Variants in SDK1 observed in about 807,000 individuals in gnomAD.
The protein encoded by SDK1 is protein sidekick-1.
A neutral mutation model predicts 245.5 loss-of-function variants in SDK1; 157 were observed. The ratio of observed to expected loss-of-function variants is 0.64; its 90% confidence interval spans 0.56 to 0.73. The LOEUF is 0.73. SDK1 is among the 30% of genes least tolerant of loss of function. The pLI, the probability that SDK1 is intolerant of heterozygous loss-of-function variation, is 0.00. For missense variants in SDK1, 3,583 were observed against 3,002.3 expected (o/e 1.19, Z -4.52); for synonymous variants, 1,647 against 1,278.5 (o/e 1.29, Z -6.15).
chr7:3,897,165 A>G (rs762693161), intron 5 of SDK1, among the ~76,000 whole-genome samples: 3 of 152,220 alleles, frequency 2.0e-5, no homozygotes, highest in Admixed American at 6.5e-5. Context: ...TTGAGATGAC[A>G]TTTGGGAGGG....
rs577047276 is a variant in SDK1 at position 4,205,493 on chromosome 7, A to C, written c.5099-386A>C. Among the ~76,000 whole-genome samples, 45 of 152,308 alleles carry C rather than the reference A, an allele frequency of 3.0e-4. 1 individual carries two copies. In the South Asian group the frequency reaches 9.1e-3, roughly 31 times the overall value. On this transcript the variant is annotated intron_variant, in intron 35 of 44. Coordinates refer to ENST00000404826, the MANE Select transcript of SDK1 (RefSeq NM_152744.4). ...ACAGCAACCATCAGACCAGCCCCTA[A>C]GCCTGGTCAGGTATTAACCAAGAAG...
At chr7:3,597,271 CAAA>C (rs59830553) in intron 1 of SDK1, among the ~76,000 whole-genome samples, 77 of 89,418 alleles carry the variant, frequency 8.6e-4, no homozygotes, top group Middle Eastern at 6.8e-3. Context: ...GACTTGGTCT[CAAA>C]AAAAAAAAAA....
At chr7:3,936,713 C>G (rs930235284) in intron 5 of SDK1, among the ~76,000 whole-genome samples, 1 of 152,134 alleles carries the variant, frequency 6.6e-6, no homozygotes, top group Non-Finnish European at 1.5e-5. Context: ...GTATTTAACC[C>G]CAATGGGGGG....
At chr7:3,673,273 T>C (rs564309158) in intron 4 of SDK1, among the ~76,000 whole-genome samples, 11 of 152,282 alleles carry the variant, frequency 7.2e-5, no homozygotes, top group African/African-American at 2.2e-4. Context: ...ACAAATCCCA[T>C]GGGGGCGGTT....
intron 5 of SDK1, among the ~76,000 whole-genome samples, chr7:3,941,609 A>T (rs1254516443): frequency 6.6e-6 from 1 of 151,854 alleles, no homozygotes; most frequent in Non-Finnish European, 1.5e-5. Context: ...AACCTTTCCC[A>T]ATTTCTCCTG....
intron 1 of SDK1, among the ~76,000 whole-genome samples, chr7:3,590,171 C>G (rs532197395): frequency 6.6e-6 from 1 of 152,152 alleles, no homozygotes. Context: ...GCTGTGCTCC[C>G]AAACCTTTGG....
chr7:3,753,481 T>A (rs1222153143), intron 4 of SDK1, among the ~76,000 whole-genome samples: 1 of 152,154 alleles, frequency 6.6e-6, no homozygotes, highest in East Asian at 1.9e-4. Context: ...TGCAAGGCAG[T>A]AGCCCATTGC....
intron 14 of SDK1, among the ~76,000 whole-genome samples, chr7:3,989,183 G>A (rs1784102232): frequency 6.6e-6 from 1 of 152,224 alleles, no homozygotes; most frequent in African/African-American, 2.4e-5. Flanking sequence ...GAGGTTTAAT[G>A]GAGAACTCAC....
In SDK1 at chr7:4,133,509, C is replaced by T. The variant is rs74970941; in HGVS notation, c.4228+1086C>T. ...TTCAGTGCCTCACACACAGCTCCTTCTGGGTGGGGTCTCTGTGGGTGGAAG... is the reference window on the plus strand; with the variant it reads ...TTCAGTGCCTCACACACAGCTCCTTTTGGGTGGGGTCTCTGTGGGTGGAAG... On this transcript the variant is annotated intron_variant, in intron 28 of 44. Coordinates refer to ENST00000404826, the MANE Select transcript of SDK1 (RefSeq NM_152744.4). Among the ~76,000 whole-genome samples, 449 of 152,278 alleles carry T rather than the reference C, an allele frequency of 2.9e-3. 2 individuals carry two copies. In the East Asian group the frequency reaches 0.036, roughly 12 times the overall value.
At chr7:4,049,903 A>G (rs960431796) in intron 18 of SDK1, among the ~76,000 whole-genome samples, 1 of 152,216 alleles carries the variant, frequency 6.6e-6, no homozygotes, top group African/African-American at 2.4e-5. Flanking sequence ...AGTTCTGTTT[A>G]AAGAACTGAG....
intron 5 of SDK1, among the ~76,000 whole-genome samples, chr7:3,932,530 C>T (rs1482642499): frequency 1.3e-5 from 2 of 152,168 alleles, no homozygotes; most frequent in Non-Finnish European, 2.9e-5. Context: ...TGACTTTATT[C>T]ATTTAAAGGA....
intron 1 of SDK1, among the ~76,000 whole-genome samples, chr7:3,489,405 T>A (rs1447509115): frequency 1.3e-5 from 2 of 152,382 alleles, no homozygotes; most frequent in Admixed American, 1.3e-4. Flanking sequence ...GCTGCAGCGC[T>A]GAAAATTATT....
intron 1 of SDK1, among the ~76,000 whole-genome samples, chr7:3,497,494 A>C (rs1036282913): frequency 2.0e-5 from 3 of 152,170 alleles, no homozygotes; most frequent in African/African-American, 7.2e-5. Flanking sequence ...TTCGAGAGTG[A>C]GTTTGTGAAG....
At chr7:3,693,881 G>A (rs7788656) in intron 4 of SDK1, among the ~76,000 whole-genome samples, 39,240 of 151,778 alleles carry the variant, frequency 0.26, 8,154 homozygotes, top group African/African-American at 0.57. Flanking sequence ...TCTCCTTCCT[G>A]CACATTTGTC....
chr7:3,418,791 T>C (rs966053234), intron 1 of SDK1, among the ~76,000 whole-genome samples: 1 of 152,216 alleles, frequency 6.6e-6, no homozygotes, highest in African/African-American at 2.4e-5. Flanking sequence ...GCAAGTTGAC[T>C]ATTCTCAGCA....
intron 1 of SDK1, among the ~76,000 whole-genome samples, chr7:3,382,169 CT>C (rs1245329285): frequency 6.6e-6 from 1 of 151,578 alleles, no homozygotes; most frequent in Non-Finnish European, 1.5e-5. Context: ...CAGGGTCTAC[CT>C]TTGTTTCCCA....
chr7:3,762,903 T>C (rs534890266), intron 4 of SDK1, among the ~76,000 whole-genome samples: 2 of 152,354 alleles, frequency 1.3e-5, no homozygotes, highest in Admixed American at 6.5e-5. Flanking sequence ...TTTAGTCTTA[T>C]GCTGATGTGT....
chr7:4,252,006 C>T (rs889648555), intron 44 of SDK1, among the ~76,000 whole-genome samples: 1 of 152,194 alleles, frequency 6.6e-6, no homozygotes, highest in Non-Finnish European at 1.5e-5. Flanking sequence ...GGATGTTAAA[C>T]CAACCTTGCA....
At chr7:3,810,203 T>G (rs192929293) in intron 4 of SDK1, among the ~76,000 whole-genome samples, 4 of 152,350 alleles carry the variant, frequency 2.6e-5, no homozygotes, top group Admixed American at 1.3e-4. Flanking sequence ...CCTCATCTAC[T>G]TTTTAGACGC....
Sources: gnomAD v4.1 joint callset for allele counts (sites outside exome capture counted in the v4.1 genomes callset) on GRCh38, gnomAD v4.1.1 for gene constraint, MANE v1.5 for transcripts, NCBI Gene and HGNC (gene_info 2026-07-23, HGNC 2026-07-21) for gene names.